GALNT18: variants seen among roughly 807,000 people sequenced by gnomAD.
GALNT18 encodes the protein GalNAc-transferase 18.
In GALNT18, 44 loss-of-function variants were observed where a neutral mutation model predicts 69.5. The ratio of observed to expected loss-of-function variants is 0.63; its 90% CI spans 0.50 to 0.81. The LOEUF is 0.81. Ranked by LOEUF, GALNT18 falls within the 40% of genes least tolerant of loss-of-function variation. The probability of loss-of-function intolerance (pLI) is 0.00; values close to 1 mark genes in which losing one functional copy is unlikely to be tolerated. For missense variants in GALNT18, 715 were observed against 810.0 expected (o/e 0.88, Z 1.42); for synonymous variants, 364 against 318.2 (o/e 1.14, Z -1.53).
rs150067328 is a variant in GALNT18, at chr11:11,581,217, C to T, written c.235+40142G>A. Among the ~76,000 whole-genome samples the T allele has an allele frequency of 9.8e-3, 1,486 of 152,280 alleles. 10 individuals are homozygous for T. Among genetic ancestry groups the T allele is most frequent in the South Asian group, 0.027 (132 of 4,824 alleles). ...GAGTAGGGGCCCCGACAGCACTGTCCATGCTGGTGTTGATGAGTATAAGTA... is the reference window on the plus strand; with the variant it reads ...GAGTAGGGGCCCCGACAGCACTGTCTATGCTGGTGTTGATGAGTATAAGTA... On this transcript the variant is annotated intron_variant, in intron 1 of 10. Coordinates refer to ENST00000227756, the MANE Select transcript of GALNT18 (RefSeq NM_198516.3).
chr11:11,578,217 GA>G (rs112026040), intron 1 of GALNT18, among the ~76,000 whole-genome samples: 7,579 of 150,456 alleles, frequency 0.05, 627 homozygotes, highest in African/African-American at 0.18. Flanking sequence ...TGAGTCAGGA[GA>G]ACCCCAGCAG....
intron 2 of GALNT18, among the ~76,000 whole-genome samples, chr11:11,440,085 T>C (rs1590003514): frequency 1.3e-5 from 2 of 152,236 alleles, no homozygotes; most frequent in Admixed American, 1.3e-4. Context: ...TAAGTATATG[T>C]GATCATCAAA....
At chr11:11,412,263 G>A (rs1473888900) in intron 3 of GALNT18, among the ~76,000 whole-genome samples, 7 of 152,182 alleles carry the variant, frequency 4.6e-5, no homozygotes. Flanking sequence ...GGTCTGACCT[G>A]AAACCCTTGT....
chr11:11,281,870 G>T (rs1849083044), intron 10 of GALNT18, among the ~76,000 whole-genome samples: 1 of 151,968 alleles, frequency 6.6e-6, no homozygotes. Context: ...GAGCCTGTCA[G>T]GGAGGGTGGA....
chr11:11,362,787 C>T (rs546400631), intron 6 of GALNT18, among the ~76,000 whole-genome samples: 2 of 152,210 alleles, frequency 1.3e-5, no homozygotes, highest in African/African-American at 4.8e-5. Context: ...TTGATGATGT[C>T]TAGCAAAGTT....
intron 4 of GALNT18, among the ~76,000 whole-genome samples, chr11:11,378,851 C>T (rs188565304): frequency 2.0e-5 from 3 of 152,298 alleles, no homozygotes; most frequent in South Asian, 2.1e-4. Flanking sequence ...GCATATTAGG[C>T]ACCGTGTGCT....
intron 9 of GALNT18, among the ~76,000 whole-genome samples, chr11:11,304,077 A>C (rs1419552953): frequency 6.6e-6 from 1 of 152,188 alleles, no homozygotes; most frequent in Non-Finnish European, 1.5e-5. Flanking sequence ...GACTTCTCCC[A>C]GGAATTTAAA....
intron 2 of GALNT18, among the ~76,000 whole-genome samples, chr11:11,437,222 G>A (rs1855423141): frequency 6.6e-6 from 1 of 152,172 alleles, no homozygotes; most frequent in Non-Finnish European, 1.5e-5. Flanking sequence ...ACGAGACCGA[G>A]CCCATGCTCA....
intron 1 of GALNT18, among the ~76,000 whole-genome samples, chr11:11,535,168 A>G (rs1373430340): frequency 1.3e-5 from 2 of 152,206 alleles, no homozygotes; most frequent in Non-Finnish European, 2.9e-5. Flanking sequence ...ACATAATACA[A>G]AAAGAATGAG....
At chr11:11,548,520 C>T (rs1858117905) in intron 1 of GALNT18, among the ~76,000 whole-genome samples, 1 of 152,206 alleles carries the variant, frequency 6.6e-6, no homozygotes, top group Admixed American at 6.5e-5. Context: ...CCTCCATGTC[C>T]TCTGACATCT....
At chr11:11,476,166 G>A (rs1456829125) in intron 1 of GALNT18, 1 of 152,154 alleles carries the variant, frequency 6.6e-6, no homozygotes, top group African/African-American at 2.4e-5. Flanking sequence ...GGTCCCCCTG[G>A]AAATCAGAAA....
rs372323995 is a variant in GALNT18 at position 11,499,390 on chromosome 11, GC to G, written c.236-50455del. Among the ~76,000 whole-genome samples the G allele has an allele frequency of 2.2e-3, 333 of 152,134 alleles. 6 individuals are homozygous for G. Among genetic ancestry groups the G allele is most frequent in the African/African-American group, 7.7e-3 (321 of 41,510 alleles). On this transcript the variant is annotated intron_variant, in intron 1 of 10. Transcript: ENST00000227756. Reference sequence around the variant, plus strand: ...ATAAAGTCTTTCCTCATCTGTTCTGGCCTTCCCCACTGCCCTCCCACCCCTG... The same window carrying G: ...ATAAAGTCTTTCCTCATCTGTTCTGGCTTCCCCACTGCCCTCCCACCCCTG...
chr11:11,335,161 G>A (rs962283268), intron 7 of GALNT18, among the ~76,000 whole-genome samples: 2 of 152,204 alleles, frequency 1.3e-5, no homozygotes, highest in African/African-American at 4.8e-5. Flanking sequence ...CACAGGAAAA[G>A]TTTCTTTCTG....
At chr11:11,288,482 G>A (rs557544573) in intron 10 of GALNT18, among the ~76,000 whole-genome samples, 4 of 152,204 alleles carry the variant, frequency 2.6e-5, no homozygotes, top group East Asian at 1.9e-4. Context: ...CACACCCCTC[G>A]GTTTCTGTTC....
intron 1 of GALNT18, among the ~76,000 whole-genome samples, chr11:11,513,798 T>TG (rs540831998): frequency 8.1e-4 from 123 of 152,364 alleles, no homozygotes; most frequent in African/African-American, 2.5e-3. Context: ...TTTATTTATT[T>TG]ATTTTTTTTG....
intron 3 of GALNT18, among the ~76,000 whole-genome samples, chr11:11,424,972 C>T (rs552160253): frequency 5.5e-4 from 84 of 152,206 alleles, no homozygotes; most frequent in African/African-American, 1.7e-3. Flanking sequence ...ACTGCCTGTG[C>T]GGGAGGATGT....
At chr11:11,278,700 A>AG (rs1234728540) in intron 10 of GALNT18, among the ~76,000 whole-genome samples, 1 of 152,192 alleles carries the variant, frequency 6.6e-6, no homozygotes, top group African/African-American at 2.4e-5. Context: ...CCAGAGGCTA[A>AG]GAAAGGTAGT....
rs1855396523 is a variant in GALNT18 at position 11,436,109 on chromosome 11, A to G, written c.429-3322T>C. Among the ~76,000 whole-genome samples, 1 of 152,212 alleles carries G rather than the reference A, an allele frequency of 6.6e-6. No individual in the cohort carries two copies. The highest frequency in any genetic ancestry group is 1.5e-5 in the Non-Finnish European group (1 of 68,036). On this transcript the variant is annotated intron_variant, in intron 2 of 10. Coordinates refer to ENST00000227756, the MANE Select transcript of GALNT18 (RefSeq NM_198516.3). This position sits in a 1 kb window ranked among gnomAD's most constrained non-coding sequence, Gnocchi z 4.5. ...GAGGCGAGGGGTGGGCAGGGTAAGG[A>G]AGATGATATGGGGGGATCGTTTTTG...
Position 11,292,053 on chromosome 11 carries a change from C to G in GALNT18, c.1677+976G>C, listed in dbSNP as rs114900683. Among the ~76,000 whole-genome samples the G allele has an allele frequency of 4.5e-3, 691 of 152,246 alleles. 11 individuals are homozygous for G. Among genetic ancestry groups the G allele is most frequent in the African/African-American group, 0.016 (657 of 41,540 alleles). On this transcript the variant is annotated intron_variant, in intron 10 of 10. Coordinates refer to ENST00000227756, the MANE Select transcript of GALNT18 (RefSeq NM_198516.3). ...GCCTCCATCCTCACCAGGGGAGAAG[C>G]AGCTTGCCGGGAGGCTGGAGTCAGG...
Sources: gnomAD v4.1 joint callset for allele counts (sites outside exome capture counted in the v4.1 genomes callset) on GRCh38, gnomAD v4.1.1 for gene constraint, Gnocchi (gnomAD v3.1) non-coding constraint, MANE v1.5 for transcripts, NCBI Gene and HGNC (gene_info 2026-07-23, HGNC 2026-07-21) for gene names.